Variants in DPP6 observed in about 807,000 individuals in gnomAD.
The protein encoded by DPP6 is A-type potassium channel modulatory protein DPP6.
DPP6 carries 69 observed loss-of-function variants against 122.6 expected under a neutral mutation model. The ratio of observed to expected loss-of-function variants is 0.56; its 90% CI spans 0.46 to 0.69. DPP6 has a LOEUF of 0.69. DPP6 is among the 30% of genes least tolerant of loss of function. The pLI, the probability that DPP6 is intolerant of heterozygous loss-of-function variation, is 0.00. For synonymous variants in DPP6, 418 were observed against 433.1 expected (o/e 0.97, Z 0.43); for missense variants, 928 against 1,116.9 (o/e 0.83, Z 2.41).
intron 10 of DPP6, among the ~76,000 whole-genome samples, chr7:154,792,775 G>A (rs1732230985): frequency 6.6e-6 from 1 of 152,236 alleles, no homozygotes; most frequent in African/African-American, 2.4e-5. Context: ...TTACAGCTGA[G>A]CGCCCCTCCT....
chr7:153,822,291 G>A, the DPP6 span, among the ~76,000 whole-genome samples: 5 of 144,840 alleles, frequency 3.5e-5, no homozygotes, highest in African/African-American at 5.1e-5. Flanking sequence ...CCAACTTCAC[G>A]CAATTCTCCT....
At chr7:153,959,270 G>T (rs548675317) in intron 1 of DPP6, among the ~76,000 whole-genome samples, 1 of 151,056 alleles carries the variant, frequency 6.6e-6, no homozygotes, top group African/African-American at 2.4e-5. Context: ...TAGCATGCTC[G>T]TTACTAATGG....
At chr7:154,722,934 A>G (rs1288355058) in intron 7 of DPP6, among the ~76,000 whole-genome samples, 4 of 152,152 alleles carry the variant, frequency 2.6e-5, no homozygotes, top group Non-Finnish European at 1.5e-5. Context: ...GATGCCTTCC[A>G]TCTTCTTTTC....
chr7:154,098,350 C>A (rs1271322792), intron 1 of DPP6, among the ~76,000 whole-genome samples: 2 of 152,160 alleles, frequency 1.3e-5, no homozygotes, highest in Non-Finnish European at 2.9e-5. Context: ...GTCAATTAAA[C>A]CTCTTTTCTT....
intron 3 of DPP6, among the ~76,000 whole-genome samples, chr7:154,497,544 G>A (rs1163856547): frequency 6.6e-6 from 1 of 151,788 alleles, no homozygotes; most frequent in Non-Finnish European, 1.5e-5. Context: ...GGGAGGTAGA[G>A]GTTGCAGTAA....
intron 19 of DPP6, 98 bp downstream of exon 19, chr7:154,872,791 G>A (rs1032432348): frequency 7.8e-6 from 12 of 1,541,060 alleles, no homozygotes; most frequent in South Asian, 1.2e-5. Flanking sequence ...AGATAAGCAG[G>A]AGAAATGACA....
At chr7:154,730,561 TTAG>T (rs1842288557) in intron 8 of DPP6, among the ~76,000 whole-genome samples, 1 of 152,184 alleles carries the variant, frequency 6.6e-6, no homozygotes, top group African/African-American at 2.4e-5. Flanking sequence ...TAATTATTTG[TTAG>T]TAGTATTTTT....
intron 1 of DPP6, among the ~76,000 whole-genome samples, chr7:153,940,364 G>A (rs1801642412): frequency 6.6e-6 from 1 of 151,870 alleles, no homozygotes; most frequent in Non-Finnish European, 1.5e-5. Context: ...CAACTTAAGT[G>A]TTGAAGTCAA....
chr7:154,439,027 G>C (rs1187829651), intron 1 of DPP6, among the ~76,000 whole-genome samples: 3 of 152,184 alleles, frequency 2.0e-5, no homozygotes, highest in African/African-American at 7.2e-5. Context: ...CTGGAACATT[G>C]TACCAGGGTG....
chr7:153,798,492 T>C, the DPP6 span, among the ~76,000 whole-genome samples: 7 of 152,170 alleles, frequency 4.6e-5, no homozygotes, highest in Non-Finnish European at 8.8e-5. Flanking sequence ...GGGCTGGAGA[T>C]GGGGCCCCTT....
At chr7:154,007,435 C>G (rs1797958614) in intron 1 of DPP6, among the ~76,000 whole-genome samples, 1 of 152,078 alleles carries the variant, frequency 6.6e-6, no homozygotes, top group Non-Finnish European at 1.5e-5. Context: ...CTTGGTCATT[C>G]AGGAAAACTC....
chr7:154,394,043 A>G (rs1017034719), intron 1 of DPP6, among the ~76,000 whole-genome samples: 2 of 152,172 alleles, frequency 1.3e-5, no homozygotes, highest in African/African-American at 4.8e-5. Context: ...TCATCCATTT[A>G]TCAGTTGATA....
intron 1 of DPP6, among the ~76,000 whole-genome samples, chr7:154,023,419 G>T (rs1195436490): frequency 6.7e-6 from 1 of 150,122 alleles, no homozygotes; most frequent in African/African-American, 2.5e-5. Context: ...ATAACAATCA[G>T]CATCACGAAA....
At chr7:154,658,975 A>G (rs1837447977) in intron 6 of DPP6, among the ~76,000 whole-genome samples, 1 of 152,216 alleles carries the variant, frequency 6.6e-6, no homozygotes, top group African/African-American at 2.4e-5. Flanking sequence ...TTGTGTGAGG[A>G]AAGCCATTCA....
intron 1 of DPP6, among the ~76,000 whole-genome samples, chr7:154,312,111 G>A (rs911585570): frequency 2.0e-5 from 3 of 152,174 alleles, no homozygotes; most frequent in Admixed American, 6.5e-5. Context: ...TTAAATCATC[G>A]ACAGGCTGTG....
At chr7:154,189,736 G>T (rs2150762732) in intron 1 of DPP6, among the ~76,000 whole-genome samples, 1 of 152,262 alleles carries the variant, frequency 6.6e-6, no homozygotes, top group South Asian at 2.1e-4. Flanking sequence ...CTTTGTATTT[G>T]AATCTCTCTT....
At chr7:154,805,609 G>C (rs1195921144) in intron 15 of DPP6, among the ~76,000 whole-genome samples, 3 of 152,234 alleles carry the variant, frequency 2.0e-5, no homozygotes, top group African/African-American at 7.2e-5. Flanking sequence ...CAGCCCAACT[G>C]TGCGACTTTG....
chr7:154,370,700 G>A (rs1812579769), intron 1 of DPP6, among the ~76,000 whole-genome samples: 1 of 152,132 alleles, frequency 6.6e-6, no homozygotes, highest in Non-Finnish European at 1.5e-5. Context: ...GTCACTCAGA[G>A]CTCTTCAATT....
chr7:153,990,345 C>T (rs1407113583), intron 1 of DPP6, among the ~76,000 whole-genome samples: 6 of 106,406 alleles, frequency 5.6e-5, no homozygotes, highest in East Asian at 2.7e-4. Context: ...CCAATGCCTC[C>T]GAGACATCCT....
Sources: gnomAD v4.1 joint callset for allele counts (sites outside exome capture counted in the v4.1 genomes callset) on GRCh38, gnomAD v4.1.1 for gene constraint, MANE v1.5 for transcripts, NCBI Gene and HGNC (gene_info 2026-07-23, HGNC 2026-07-21) for gene names.